Variants in ABI3BP observed in about 807,000 individuals in gnomAD.
The protein encoded by ABI3BP is ABI family member 3 binding protein.
A neutral mutation model predicts 268.6 loss-of-function variants in ABI3BP; 216 were observed. The observed-to-expected ratio is 0.80, with a 90% CI of 0.72 to 0.90. ABI3BP has a LOEUF of 0.90. Among genes scored for constraint, ABI3BP ranks in the 40% least tolerant of loss-of-function variants. The pLI, the probability that ABI3BP is intolerant of heterozygous loss-of-function variation, is 0.00. For synonymous variants in ABI3BP, 730 were observed against 730.0 expected, an observed-to-expected ratio of 1.00 and a Z score of 0.00; for missense variants, 2,090 against 2,182.4, an observed-to-expected ratio of 0.96 and a Z score of 0.84.
intron 2 of ABI3BP, among the ~76,000 whole-genome samples, chr3:100,915,232 C>T (rs921073767): frequency 2.0e-5 from 3 of 152,154 alleles, no homozygotes; most frequent in Admixed American, 2.0e-4. Flanking sequence ...AACCCACCCC[C>T]CAGGGTAGAA....
chr3:100,758,077 G>A (rs932842494), intron 63 of ABI3BP, among the ~76,000 whole-genome samples: 22 of 151,762 alleles, frequency 1.4e-4, no homozygotes, highest in Non-Finnish European at 3.2e-4. Flanking sequence ...TTCTACCTGG[G>A]TAGGTGTAAA....
intron 38 of ABI3BP, among the ~76,000 whole-genome samples, chr3:100,821,929 A>G (rs2098243137): frequency 6.6e-6 from 1 of 152,076 alleles, no homozygotes; most frequent in Non-Finnish European, 1.5e-5. Context: ...TCAGTTGTCC[A>G]GTTAGACTGT....
intron 63 of ABI3BP, among the ~76,000 whole-genome samples, chr3:100,760,530 C>T (rs2149504308): frequency 6.6e-6 from 1 of 152,260 alleles, no homozygotes; most frequent in Middle Eastern, 3.4e-3. Context: ...TGGGACAATT[C>T]TGCTTGTTAT....
intron 63 of ABI3BP, among the ~76,000 whole-genome samples, chr3:100,757,837 A>G (rs745678380): frequency 1.4e-4 from 21 of 152,240 alleles, no homozygotes; most frequent in Non-Finnish European, 2.2e-4. Flanking sequence ...TGGTAAAAAA[A>G]AAATTTGCAT....
At chr3:100,864,281 A>G in intron 11 of ABI3BP, 1 of 560,224 alleles carries the variant, frequency 1.8e-6, no homozygotes, top group Non-Finnish European at 3.2e-6. Flanking sequence ...TGTGGCTGAG[A>G]AGATCAACAT....
chr3:100,823,107 A>G (rs73135551), intron 37 of ABI3BP, among the ~76,000 whole-genome samples: 21,776 of 152,132 alleles, frequency 0.14, 1,979 homozygotes, highest in South Asian at 0.27. Context: ...AAAAAGGGTA[A>G]AAATTCAGAT....
chr3:100,852,117 G>A (rs1390316611), intron 14 of ABI3BP, among the ~76,000 whole-genome samples, 177 bp from the exon 15 acceptor site: 1 of 152,150 alleles, frequency 6.6e-6, no homozygotes, highest in Non-Finnish European at 1.5e-5. Context: ...ACCGAAACTC[G>A]CCTTTGGTCC....
intron 33 of ABI3BP, 100 bp downstream of exon 33, chr3:100,829,481 G>T: frequency 9.1e-7 from 1 of 1,097,918 alleles, no homozygotes; most frequent in Non-Finnish European, 1.3e-6. Flanking sequence ...TGCCTAGTCT[G>T]ATGTGGAATC....
At chr3:100,923,797 A>G (rs1267405183) in intron 2 of ABI3BP, among the ~76,000 whole-genome samples, 6 of 152,212 alleles carry the variant, frequency 3.9e-5, no homozygotes, top group African/African-American at 1.4e-4. Context: ...ATTGCTGTTT[A>G]TAACTCCTGA....
At chr3:100,847,438 C>T (rs949591772) in intron 19 of ABI3BP, among the ~76,000 whole-genome samples, 164 bp downstream of exon 19, 19 of 152,208 alleles carry the variant, frequency 1.2e-4, no homozygotes, top group African/African-American at 4.3e-4. Flanking sequence ...CTAGCCACAA[C>T]CACAATAGCC....
At chr3:100,850,837 A>C in intron 15 of ABI3BP, 103 bp from the exon 16 acceptor site, 4 of 857,978 alleles carry the variant, frequency 4.7e-6, no homozygotes, top group Non-Finnish European at 7.6e-6. Flanking sequence ...GAAAAATATC[A>C]AGAATACTTG....
chr3:100,879,181 C>T (rs1019288999), intron 6 of ABI3BP, among the ~76,000 whole-genome samples: 2 of 152,224 alleles, frequency 1.3e-5, no homozygotes, highest in Non-Finnish European at 2.9e-5. Flanking sequence ...TTGCCCCTCA[C>T]CCCCTGGTAA....
chr3:100,980,282 A>T (rs2088672462), intron 1 of ABI3BP, among the ~76,000 whole-genome samples: 1 of 151,644 alleles, frequency 6.6e-6, no homozygotes, highest in African/African-American at 2.4e-5. Context: ...CCCAGGCTGG[A>T]GTGTAGGGCA....
chr3:100,907,011 C>G (rs886230885), intron 2 of ABI3BP, among the ~76,000 whole-genome samples: 2 of 152,022 alleles, frequency 1.3e-5, no homozygotes, highest in African/African-American at 4.8e-5. Flanking sequence ...TGAAAAAGGC[C>G]CTTGCTATGT....
chr3:100,835,911 T>TA (rs2098577819), intron 27 of ABI3BP, among the ~76,000 whole-genome samples: 1 of 152,138 alleles, frequency 6.6e-6, no homozygotes, highest in African/African-American at 2.4e-5. Context: ...TCCAACAACA[T>TA]AAAAAACCTG....
intron 16 of ABI3BP, 105 bp from the exon 17 acceptor site, chr3:100,850,224 C>T: frequency 2.1e-6 from 2 of 964,712 alleles, no homozygotes; most frequent in East Asian, 2.6e-5. Context: ...GCCACGAGTA[C>T]ATGATTAAAG....
intron 40 of ABI3BP, among the ~76,000 whole-genome samples, chr3:100,819,577 AT>A (rs1002500432): frequency 6.6e-6 from 1 of 151,876 alleles, no homozygotes; most frequent in Non-Finnish European, 1.5e-5. Flanking sequence ...AAGGCACTTA[AT>A]TTTTTTTCTA....
rs1425735823 is a variant in ABI3BP, at chr3:100,818,587, TA to T, written c.3032-7del. On this transcript the variant is annotated splice_polypyrimidine_tract_variant and splice_region_variant and intron_variant, in intron 40 of 67. Coordinates refer to ENST00000471714, the MANE Select transcript of ABI3BP (RefSeq NM_001375547.2). ...TTCAAGATCTGTAGAAGGAACTAAT[TA>T]AAAGCAATGAAATAAACTTGTGAAA... The T allele has an allele frequency of 8.5e-6, 13 of 1,533,438 alleles. No homozygotes were observed. The highest frequency in any genetic ancestry group is 1.7e-4 in the Middle Eastern group (1 of 5,976). 95.0% of individuals were successfully genotyped at this position (1,533,438 alleles called of 1,614,324 possible).
chr3:100,864,616 G>A, intron 11 of ABI3BP: 1 of 515,570 alleles, frequency 1.9e-6, no homozygotes, highest in Admixed American at 3.6e-5. Flanking sequence ...ATCCAGATTT[G>A]CCCAGAAGTT....
Sources: allele counts gnomAD v4.1 joint callset (sites outside exome capture counted in the v4.1 genomes callset), GRCh38; gene constraint gnomAD v4.1.1; transcripts MANE v1.5; gene names NCBI Gene and HGNC (gene_info 2026-07-23, HGNC 2026-07-21).